Variants in GRIK4 observed in about 807,000 individuals in gnomAD.
The protein encoded by GRIK4 is glutamate receptor ionotropic, kainate 4.
In GRIK4, 40 loss-of-function variants were observed where a neutral mutation model predicts 104.9. The observed-to-expected ratio is 0.38, with a 90% CI of 0.30 to 0.50. The LOEUF is 0.50. Ranked by LOEUF, GRIK4 falls within the 20% of genes least tolerant of loss-of-function variation. The pLI, the probability that GRIK4 is intolerant of heterozygous loss-of-function variation, is 0.93. For synonymous variants in GRIK4, 485 were observed against 524.9 expected (o/e 0.92, Z 1.04); for missense variants, 1,047 against 1,308.1 (o/e 0.80, Z 3.08).
chr11:120,832,705 C>T (rs1327110363), intron 7 of GRIK4, among the ~76,000 whole-genome samples: 4 of 152,128 alleles, frequency 2.6e-5, no homozygotes, highest in Non-Finnish European at 5.9e-5. Context: ...GGGGCAGTGC[C>T]AGCCCCTGAG....
intron 3 of GRIK4, among the ~76,000 whole-genome samples, chr11:120,739,782 A>G (rs186361157): frequency 1.3e-5 from 2 of 152,306 alleles, no homozygotes; most frequent in Non-Finnish European, 2.9e-5. Flanking sequence ...CAGTATGCAT[A>G]TGCAGTTTCT....
Position 120,939,429 on chromosome 11 carries a change from T to C in GRIK4, c.1477-918T>C, listed in dbSNP as rs142157875. Reference sequence around the variant, plus strand: ...TGCTAATGACATCTGAAGTTTCACCTGGACAGCGACATAAGTGGCCAGTGA... The same window carrying C: ...TGCTAATGACATCTGAAGTTTCACCCGGACAGCGACATAAGTGGCCAGTGA... On this transcript the variant is annotated intron_variant, in intron 13 of 20. Transcript: ENST00000527524. This position sits in a 1 kb window ranked among gnomAD's most constrained non-coding sequence, Gnocchi z 5.6. Among the ~76,000 whole-genome samples, 1,333 of 152,324 alleles carry C rather than the reference T, an allele frequency of 8.8e-3. 22 individuals are homozygous for C. Among genetic ancestry groups the C allele is most frequent in the African/African-American group, 0.028 (1,174 of 41,580 alleles).
chr11:120,777,074 G>A (rs906131149), intron 3 of GRIK4, among the ~76,000 whole-genome samples: 3 of 152,142 alleles, frequency 2.0e-5, no homozygotes, highest in African/African-American at 7.2e-5. Flanking sequence ...GTGCTGCTCG[G>A]GTGATGTAGG....
rs566390492 is a variant in GRIK4, at chr11:120,736,131, G to T, written c.83-66562G>T. On this transcript the variant is annotated intron_variant, in intron 3 of 20. Coordinates refer to ENST00000527524, the MANE Select transcript of GRIK4 (RefSeq NM_014619.5). Reference sequence around the variant, plus strand: ...CACTGTTGGTTATTCAGGGCCCAAGGGCTCTTTAGTCAGCAGGTGATGAGT... The same window carrying T: ...CACTGTTGGTTATTCAGGGCCCAAGTGCTCTTTAGTCAGCAGGTGATGAGT... Among the ~76,000 whole-genome samples, 7 of 152,138 alleles carry T rather than the reference G, an allele frequency of 4.6e-5. No individual in the cohort carries two copies. In the East Asian group the frequency reaches 1.2e-3, roughly 25 times the overall value.
Position 120,604,120 on chromosome 11 carries a change from C to T in GRIK4, c.-158-49565C>T, listed in dbSNP as rs188318368. ...CCAGGAGGCGAAGCTTGCAGTGAGCCGAGATCGCGCCACTGCACTCCAGCC... is the reference window on the plus strand; with the variant it reads ...CCAGGAGGCGAAGCTTGCAGTGAGCTGAGATCGCGCCACTGCACTCCAGCC... On this transcript the variant is annotated intron_variant, in intron 1 of 20. Coordinates refer to ENST00000527524, the MANE Select transcript of GRIK4 (RefSeq NM_014619.5). 6.5e-3 allele frequency among the ~76,000 whole-genome samples: 960 copies of T among 147,218 alleles called. 16 individuals carry two copies. The highest frequency in any genetic ancestry group is 0.023 in the African/African-American group (911 of 39,514).
chr11:120,799,746 A>G (rs1276905469), intron 3 of GRIK4, among the ~76,000 whole-genome samples: 1 of 152,230 alleles, frequency 6.6e-6, no homozygotes, highest in African/African-American at 2.4e-5. Flanking sequence ...CTTGTGTGTC[A>G]TGGATCCAGT....
chr11:120,879,268 G>A (rs752586072), intron 11 of GRIK4, among the ~76,000 whole-genome samples: 5 of 152,200 alleles, frequency 3.3e-5, no homozygotes, highest in African/African-American at 2.4e-5. Flanking sequence ...CTGTTGGTCT[G>A]CTGCCACCTG....
intron 11 of GRIK4, among the ~76,000 whole-genome samples, chr11:120,885,962 G>C (rs1955108620): frequency 6.6e-6 from 1 of 152,216 alleles, no homozygotes; most frequent in Admixed American, 6.5e-5. Flanking sequence ...AGTGGTGAGG[G>C]CTAGACCAAA....
At chr11:120,738,954 G>C (rs1355284247) in intron 3 of GRIK4, among the ~76,000 whole-genome samples, 1 of 152,212 alleles carries the variant, frequency 6.6e-6, no homozygotes, top group Non-Finnish European at 1.5e-5. Flanking sequence ...CGGCAGAGAG[G>C]AGCAGAGTAG....
intron 1 of GRIK4, among the ~76,000 whole-genome samples, chr11:120,530,364 T>G (rs1201122392): frequency 2.0e-5 from 3 of 152,142 alleles, no homozygotes; most frequent in Admixed American, 2.0e-4. Context: ...TTGCAGGCTC[T>G]AGAAGATGGG....
chr11:120,792,840 G>A (rs1952428073), intron 3 of GRIK4, among the ~76,000 whole-genome samples: 1 of 152,162 alleles, frequency 6.6e-6, no homozygotes, highest in Admixed American at 6.5e-5. Flanking sequence ...TATAAGTAAA[G>A]CACACCCATG....
intron 8 of GRIK4, among the ~76,000 whole-genome samples, chr11:120,840,792 A>G (rs1326142829): frequency 6.6e-6 from 1 of 152,156 alleles, no homozygotes; most frequent in East Asian, 1.9e-4. Context: ...AGTGGCGTTA[A>G]TTATATTCTT....
chr11:120,738,757 A>G (rs1199704312), intron 3 of GRIK4, among the ~76,000 whole-genome samples: 1 of 152,208 alleles, frequency 6.6e-6, no homozygotes, highest in African/African-American at 2.4e-5. Flanking sequence ...TCTGATCCCC[A>G]TCACCACCTG....
At chr11:120,566,176 T>G (rs751277377) in intron 1 of GRIK4, among the ~76,000 whole-genome samples, 5 of 152,264 alleles carry the variant, frequency 3.3e-5, no homozygotes, top group Non-Finnish European at 7.3e-5. Flanking sequence ...CAAAAAATTC[T>G]TCATTTGTAG....
Position 120,939,700 on chromosome 11 carries a change from G to A in GRIK4, c.1477-647G>A, listed in dbSNP as rs1943674368. The stretch of plus-strand genomic sequence containing the variant: ...CAAACACTACTCAATATTGAGAATG[G>A]GCCAGGCGCGGTGGCTCATGCCTAT... On this transcript the variant is annotated intron_variant, in intron 13 of 20. Transcript: ENST00000527524. This position sits in a 1 kb window ranked among gnomAD's most constrained non-coding sequence, Gnocchi z 5.6. 1.3e-5 allele frequency among the ~76,000 whole-genome samples: 2 copies of A among 152,156 alleles called. No homozygotes were observed.
chr11:120,906,853 A>G (rs185831027), intron 13 of GRIK4, among the ~76,000 whole-genome samples: 14 of 152,342 alleles, frequency 9.2e-5, no homozygotes, highest in African/African-American at 3.4e-4. Flanking sequence ...TGAACGACCC[A>G]GGGTGACTGG....
chr11:120,755,712 G>T (rs1355519178), intron 3 of GRIK4, among the ~76,000 whole-genome samples: 1 of 151,936 alleles, frequency 6.6e-6, no homozygotes, highest in Non-Finnish European at 1.5e-5. Flanking sequence ...TAGGAAAAGA[G>T]CCTGCTTGTG....
rs10607182 is a variant in GRIK4, at chr11:120,678,620, G to GTT, written c.82+18232_82+18233dup. On this transcript the variant is annotated intron_variant, in intron 3 of 20. Transcript: ENST00000527524. ...CCAGGCGAGGGGCTCCACTAGAAGG[G>GTT]TTTTTTTTTTTTTGTTTTAGTTTTT... Among the ~76,000 whole-genome samples the GTT allele has an allele frequency of 1.2e-4, 17 of 146,232 alleles. No individual in the cohort carries two copies. The East Asian group carries it at 1.8e-3, about 16-fold the overall frequency.
At chr11:120,972,251 C>T (rs1012109053) in intron 19 of GRIK4, among the ~76,000 whole-genome samples, 3 of 152,128 alleles carry the variant, frequency 2.0e-5, no homozygotes, top group African/African-American at 7.2e-5. Context: ...GTCAAAGGTT[C>T]TGGGGTGAGA....
Sources: gnomAD v4.1 joint callset for allele counts (sites outside exome capture counted in the v4.1 genomes callset) on GRCh38, gnomAD v4.1.1 for gene constraint, Gnocchi (gnomAD v3.1) non-coding constraint, MANE v1.5 for transcripts, NCBI Gene and HGNC (gene_info 2026-07-23, HGNC 2026-07-21) for gene names.